CCBE1: variants seen among roughly 807,000 people sequenced by gnomAD.
CCBE1 encodes the protein collagen and calcium-binding EGF domain-containing protein 1.
In CCBE1, 37 loss-of-function variants were observed where a neutral mutation model predicts 50.0. That is an observed-to-expected ratio of 0.74 (90% CI 0.57 to 0.97). The LOEUF (loss-of-function observed/expected upper bound fraction) is 0.97. Among genes scored for constraint, CCBE1 ranks in the 50% least tolerant of loss-of-function variants. The probability of loss-of-function intolerance (pLI) is 0.00; values close to 1 mark genes in which losing one functional copy is unlikely to be tolerated. For synonymous variants in CCBE1, 234 were observed against 203.7 expected, an observed-to-expected ratio of 1.15 and a Z score of -1.27; for missense variants, 538 against 523.8, an observed-to-expected ratio of 1.03 and a Z score of -0.26.
chr18:59,575,816 C>T (rs752856049), intron 2 of CCBE1, among the ~76,000 whole-genome samples: 1 of 152,210 alleles, frequency 6.6e-6, no homozygotes, highest in Non-Finnish European at 1.5e-5. Context: ...GCAGGTCATA[C>T]TGGGTAAGAG....
intron 7 of CCBE1, among the ~76,000 whole-genome samples, chr18:59,443,102 A>C (rs6567085): frequency 0.27 from 40,997 of 152,050 alleles, 6,103 homozygotes; most frequent in African/African-American, 0.39. Flanking sequence ...GGTTGTTTGC[A>C]TGTGTGCCAG....
At chr18:59,552,521 A>G (rs1393037608) in intron 2 of CCBE1, among the ~76,000 whole-genome samples, 1 of 152,186 alleles carries the variant, frequency 6.6e-6, no homozygotes, top group African/African-American at 2.4e-5. Context: ...AGCCAACCCA[A>G]CATCTCTTTA....
At chr18:59,532,954 C>T (rs1394840967) in intron 2 of CCBE1, among the ~76,000 whole-genome samples, 2 of 152,200 alleles carry the variant, frequency 1.3e-5, no homozygotes, top group Admixed American at 1.3e-4. Flanking sequence ...CCAATGGCCA[C>T]AGGCTTTAGA....
At chr18:59,455,969 C>G (rs915055645) in intron 5 of CCBE1, among the ~76,000 whole-genome samples, 2 of 152,226 alleles carry the variant, frequency 1.3e-5, no homozygotes, top group African/African-American at 4.8e-5. Flanking sequence ...GTGACCATCT[C>G]TTGTTCTTCC....
chr18:59,567,869 G>A (rs552582260), intron 2 of CCBE1, among the ~76,000 whole-genome samples: 2 of 152,298 alleles, frequency 1.3e-5, no homozygotes, highest in East Asian at 3.9e-4. Context: ...GGTTTTATCA[G>A]CAGACACATA....
intron 2 of CCBE1, among the ~76,000 whole-genome samples, chr18:59,608,095 G>A (rs1175585120): frequency 6.6e-6 from 1 of 152,156 alleles, no homozygotes; most frequent in Non-Finnish European, 1.5e-5. Context: ...ACTCCAGCTT[G>A]GGTGACAGAG....
intron 2 of CCBE1, among the ~76,000 whole-genome samples, chr18:59,572,999 T>C (rs1399057481): frequency 6.6e-6 from 1 of 151,932 alleles, no homozygotes; most frequent in African/African-American, 2.4e-5. Context: ...ATACTGTGCA[T>C]AAGGCTGGGC....
intron 2 of CCBE1, among the ~76,000 whole-genome samples, chr18:59,603,043 C>T (rs1465545266): frequency 6.6e-6 from 1 of 152,190 alleles, no homozygotes; most frequent in Non-Finnish European, 1.5e-5. Context: ...CACTCACATG[C>T]TCCCAGGAAG....
At chr18:59,587,038 T>G (rs2053188377) in intron 2 of CCBE1, among the ~76,000 whole-genome samples, 1 of 152,210 alleles carries the variant, frequency 6.6e-6, no homozygotes, top group Non-Finnish European at 1.5e-5. Flanking sequence ...AGAATAGATA[T>G]TCATTTCGTT....
At chr18:59,485,304 C>T (rs1158446006) in intron 2 of CCBE1, among the ~76,000 whole-genome samples, 1 of 152,122 alleles carries the variant, frequency 6.6e-6, no homozygotes, top group Non-Finnish European at 1.5e-5. Context: ...TACAGCCCTC[C>T]AGCCAGGAGT....
At chr18:59,554,400 C>T (rs1445320907) in intron 2 of CCBE1, among the ~76,000 whole-genome samples, 1 of 152,208 alleles carries the variant, frequency 6.6e-6, no homozygotes, top group Admixed American at 6.5e-5. Context: ...AGACCATGTG[C>T]ATGCATCCCA....
chr18:59,448,614 G>A (rs1040053910), intron 6 of CCBE1, among the ~76,000 whole-genome samples: 4 of 152,140 alleles, frequency 2.6e-5, no homozygotes, highest in Admixed American at 2.0e-4. Context: ...CTGGGCAATC[G>A]TGACTGTGGT....
chr18:59,647,444 T>C (rs2054069874), intron 2 of CCBE1, among the ~76,000 whole-genome samples: 1 of 152,258 alleles, frequency 6.6e-6, no homozygotes, highest in African/African-American at 2.4e-5. Flanking sequence ...CAGTTATTTT[T>C]GTATTGTTTT....
chr18:59,662,763 G>A (rs1408501096), intron 2 of CCBE1, among the ~76,000 whole-genome samples: 1 of 152,192 alleles, frequency 6.6e-6, no homozygotes, highest in Non-Finnish European at 1.5e-5. Context: ...GCTCTAAAGC[G>A]AGTTTATAGG....
At chr18:59,501,246 G>A (rs1456737515) in intron 2 of CCBE1, among the ~76,000 whole-genome samples, 1 of 152,214 alleles carries the variant, frequency 6.6e-6, no homozygotes, top group Admixed American at 6.5e-5. Flanking sequence ...TGATTTTGGG[G>A]ACCCTGTCCT....
At chr18:59,644,993 C>T (rs1161446038) in intron 2 of CCBE1, among the ~76,000 whole-genome samples, 2 of 152,206 alleles carry the variant, frequency 1.3e-5, no homozygotes, top group Non-Finnish European at 2.9e-5. Context: ...CAGTGGCTCA[C>T]ACCTGTAATC....
intron 2 of CCBE1, among the ~76,000 whole-genome samples, chr18:59,574,020 C>T (rs965927421): frequency 6.6e-6 from 1 of 152,172 alleles, no homozygotes; most frequent in Non-Finnish European, 1.5e-5. Context: ...AGTTTTCCCT[C>T]ATTTCAAACA....
rs1049369347 is a variant in CCBE1, at chr18:59,432,939, G to A, written c.*2969C>T. The stretch of plus-strand genomic sequence containing the variant: ...GACCTAGCCATCTCTCATACAGCTT[G>A]TGCATAGTTTTGTGTGTTTTTTTTT... On this transcript the variant is annotated 3_prime_UTR_variant, in exon 11 of 11. Coordinates refer to ENST00000439986, the MANE Select transcript of CCBE1 (RefSeq NM_133459.4). 2 of 120,304 alleles carry A rather than the reference G, an allele frequency of 1.7e-5. No homozygotes were observed. Among genetic ancestry groups the A allele is most frequent in the African/African-American group, 6.3e-5 (2 of 31,966 alleles). 7.5% of individuals were successfully genotyped at this position (120,304 alleles called of 1,614,324 possible). A position where few individuals can be genotyped will look rare whatever the true frequency, so the allele number is the denominator to read the frequency against.
chr18:59,565,441 C>T lies in CCBE1; in HGVS notation c.213-85203G>A, dbSNP rs116689260. Among the ~76,000 whole-genome samples the T allele has an allele frequency of 3.3e-3, 503 of 152,304 alleles. 2 individuals are homozygous for T. Among genetic ancestry groups the T allele is most frequent in the African/African-American group, 0.011 (460 of 41,562 alleles). On this transcript the variant is annotated intron_variant, in intron 2 of 10. Transcript: ENST00000439986. The stretch of plus-strand genomic sequence containing the variant: ...ACGAGGTAGACAAAGGGCTGTCACT[C>T]AGGCTGGGTAACCAGGGGCGAGGGG...
Sources: allele counts gnomAD v4.1 joint callset (sites outside exome capture counted in the v4.1 genomes callset), GRCh38; gene constraint gnomAD v4.1.1; transcripts MANE v1.5; gene names NCBI Gene and HGNC (gene_info 2026-07-23, HGNC 2026-07-21).